The following MAGI1 variants were observed in gnomAD, a reference collection of about 807,000 sequenced individuals.
The protein encoded by MAGI1 is membrane-associated guanylate kinase, WW and PDZ domain-containing protein 1.
In MAGI1, 58 loss-of-function variants were observed where a neutral mutation model predicts 139.9. The observed-to-expected ratio is 0.41, with a 90% CI of 0.34 to 0.52. The LOEUF is 0.52. Ranked by LOEUF, MAGI1 falls within the 20% of genes least tolerant of loss-of-function variation. The pLI is 0.12. For missense variants in MAGI1, 1,874 were observed against 1,901.6 expected (o/e 0.99, Z 0.27); for synonymous variants, 812 against 737.9 (o/e 1.10, Z -1.63).
At position 66,022,018 on chromosome 3, in the gene MAGI1, G is replaced by A. The variant is rs137901711; in HGVS notation, c.313+15978C>T. On this transcript the variant is annotated intron_variant, in intron 1 of 22. Transcript: ENST00000402939. Reference sequence around the variant, plus strand: ...GTGCACAGGACTGCAAATTTCCCCCGCAGCCTTTTCCCGAATGTCTCTTTC... The same window carrying A: ...GTGCACAGGACTGCAAATTTCCCCCACAGCCTTTTCCCGAATGTCTCTTTC... Among the ~76,000 whole-genome samples, 275 of 152,082 alleles carry A rather than the reference G, an allele frequency of 1.8e-3. 3 individuals carry two copies. Among genetic ancestry groups the A allele is most frequent in the East Asian group, 0.017 (87 of 5,168 alleles).
intron 2 of MAGI1, among the ~76,000 whole-genome samples, chr3:65,550,181 A>G (rs1372611197): frequency 1.3e-5 from 2 of 152,156 alleles, no homozygotes; most frequent in African/African-American, 4.8e-5. Context: ...TTTAGCCTCA[A>G]ATCTGATGCA....
At chr3:65,661,152 T>C (rs1022865580) in intron 1 of MAGI1, among the ~76,000 whole-genome samples, 2 of 152,170 alleles carry the variant, frequency 1.3e-5, no homozygotes, top group African/African-American at 4.8e-5. Flanking sequence ...CAGGATGGTG[T>C]ATAACTAGAT....
At chr3:65,754,226 G>A (rs757494949) in intron 1 of MAGI1, among the ~76,000 whole-genome samples, 7 of 152,022 alleles carry the variant, frequency 4.6e-5, no homozygotes, top group Non-Finnish European at 7.4e-5. Context: ...TTTGATTACC[G>A]CAACAAAGAA....
At chr3:65,680,514 A>C (rs2107510625) in intron 1 of MAGI1, among the ~76,000 whole-genome samples, 1 of 152,266 alleles carries the variant, frequency 6.6e-6, no homozygotes, top group South Asian at 2.1e-4. Flanking sequence ...TCCTGGGCTC[A>C]AGTGATCCTC....
At chr3:65,713,439 T>C (rs745716972) in intron 1 of MAGI1, among the ~76,000 whole-genome samples, 1 of 151,860 alleles carries the variant, frequency 6.6e-6, no homozygotes, top group East Asian at 1.9e-4. Context: ...AGAGATTTTT[T>C]AAAAAAAGAA....
chr3:65,502,395 C>CATAAGT (rs60102180), intron 2 of MAGI1, among the ~76,000 whole-genome samples: 82,698 of 151,376 alleles, frequency 0.55, 24,022 homozygotes, highest in African/African-American at 0.75. Flanking sequence ...TTCTGCTTAG[C>CATAAGT]ATAAGGATTT....
At chr3:65,545,111 ATGAAAAC>A (rs1036438957) in intron 2 of MAGI1, among the ~76,000 whole-genome samples, 1 of 152,220 alleles carries the variant, frequency 6.6e-6, no homozygotes, top group African/African-American at 2.4e-5. Flanking sequence ...ATGGACACAT[ATGAAAAC>A]TTCAGACACA....
chr3:65,560,017 G>A (rs374365570), intron 2 of MAGI1, among the ~76,000 whole-genome samples: 52 of 152,160 alleles, frequency 3.4e-4, no homozygotes, highest in African/African-American at 1.2e-3. Context: ...GCCTGGGCGA[G>A]AGAGTGAGAC....
At chr3:66,036,892 A>G (rs1339483160) in intron 1 of MAGI1, among the ~76,000 whole-genome samples, 1 of 152,168 alleles carries the variant, frequency 6.6e-6, no homozygotes, top group Non-Finnish European at 1.5e-5. Context: ...TGACATGAGG[A>G]CAGCCCCTTG....
chr3:65,412,629 C>T (rs1488857320), intron 12 of MAGI1, among the ~76,000 whole-genome samples: 1 of 152,180 alleles, frequency 6.6e-6, no homozygotes, highest in Non-Finnish European at 1.5e-5. Context: ...AATGAGTTTA[C>T]ACCTTGAAAG....
intron 13 of MAGI1, among the ~76,000 whole-genome samples, chr3:65,392,512 A>G (rs1394809421): frequency 1.3e-5 from 2 of 152,150 alleles, no homozygotes; most frequent in Non-Finnish European, 2.9e-5. Context: ...AAAGTACTTT[A>G]TAAGAGCTTT....
chr3:65,962,000 G>A (rs1195716798), intron 1 of MAGI1, among the ~76,000 whole-genome samples: 5 of 152,166 alleles, frequency 3.3e-5, no homozygotes. Context: ...CTTCCATGAA[G>A]TGACTGGGCA....
In MAGI1 at chr3:65,734,995, A is replaced by C. The variant is rs571817403; in HGVS notation, c.314-112907T>G. ...TTCACATAAAAGCTTCTCTCTATTA[A>C]AAAAGAAAGTATATACCTATGCATA... is the stretch of plus-strand genomic sequence containing the variant. On this transcript the variant is annotated intron_variant, in intron 1 of 22. Coordinates refer to ENST00000402939, the MANE Select transcript of MAGI1 (RefSeq NM_001033057.2). Among the ~76,000 whole-genome samples the C allele has an allele frequency of 2.0e-5, 3 of 152,238 alleles. No individual in the cohort carries two copies. The East Asian group carries it at 5.8e-4, about 29-fold the overall frequency.
intron 1 of MAGI1, among the ~76,000 whole-genome samples, chr3:65,854,672 G>T (rs995198477): frequency 5.3e-5 from 8 of 152,216 alleles, no homozygotes; most frequent in African/African-American, 1.9e-4. Flanking sequence ...CCACGAGAGG[G>T]TTCTGCAAAT....
At chr3:65,827,834 C>T (rs1289371467) in intron 1 of MAGI1, among the ~76,000 whole-genome samples, 1 of 152,092 alleles carries the variant, frequency 6.6e-6, no homozygotes, top group Non-Finnish European at 1.5e-5. Context: ...ATTTATATAA[C>T]ATTTAAGTTA....
At chr3:65,381,828 G>A (rs1378320563) in intron 16 of MAGI1, 49 bp downstream of exon 16, 1 of 1,498,812 alleles carries the variant, frequency 6.7e-7, no homozygotes, top group Non-Finnish European at 9.0e-7. Context: ...GGCCTTTTCT[G>A]TGAATAAAGT....
chr3:66,006,139 C>T (rs950949006), intron 1 of MAGI1, among the ~76,000 whole-genome samples: 1 of 152,306 alleles, frequency 6.6e-6, no homozygotes, highest in Admixed American at 6.5e-5. Context: ...CTATCACATT[C>T]ATTTAGCCCT....
rs77536824 is a variant in MAGI1, at chr3:65,765,195, T to C, written c.314-143107A>G. ...CCCATTAAAAGTATAACATATGTGA[T>C]CAACTGTTGTAGAATAAAAACATTT... On this transcript the variant is annotated intron_variant, in intron 1 of 22. Coordinates refer to ENST00000402939, the MANE Select transcript of MAGI1 (RefSeq NM_001033057.2). Among the ~76,000 whole-genome samples, 22 of 152,314 alleles carry C rather than the reference T, an allele frequency of 1.4e-4. No homozygotes were observed. The East Asian group carries it at 4.2e-3, about 29-fold the overall frequency.
At chr3:65,699,341 T>C (rs1253440716) in intron 1 of MAGI1, among the ~76,000 whole-genome samples, 1 of 147,084 alleles carries the variant, frequency 6.8e-6, no homozygotes, top group Non-Finnish European at 1.5e-5. Context: ...GATCTAGAAC[T>C]AGAAATACCA....
Sources: gnomAD v4.1 joint callset for allele counts (sites outside exome capture counted in the v4.1 genomes callset) on GRCh38, gnomAD v4.1.1 for gene constraint, MANE v1.5 for transcripts, NCBI Gene and HGNC (gene_info 2026-07-23, HGNC 2026-07-21) for gene names.